CSTPP1: variants seen among roughly 807,000 people sequenced by gnomAD.
CSTPP1 encodes centriolar satellite-associated tubulin polyglutamylase complex regulator 1.
chr11:47,003,488 T>G, the CSTPP1 span, among the ~76,000 whole-genome samples: 1 of 152,238 alleles, frequency 6.6e-6, no homozygotes, highest in Non-Finnish European at 1.5e-5. Flanking sequence ...GATGTTTGTC[T>G]GTCTCTCAGC....
At chr11:46,945,734 A>G in the CSTPP1 span, among the ~76,000 whole-genome samples, 2 of 152,048 alleles carry the variant, frequency 1.3e-5, no homozygotes, top group African/African-American at 4.8e-5. Flanking sequence ...TACCTTCTCT[A>G]TATAAAGCCA....
the CSTPP1 span, chr11:47,157,189 G>A: frequency 1.2e-6 from 2 of 1,601,560 alleles, no homozygotes; most frequent in Admixed American, 1.7e-5. Flanking sequence ...ACCAGTGTCT[G>A]GAAAACCTGT....
At chr11:46,959,264 A>C in the CSTPP1 span, among the ~76,000 whole-genome samples, 1 of 144,002 alleles carries the variant, frequency 6.9e-6, no homozygotes, top group Non-Finnish European at 1.5e-5. Context: ...CTTTTTTTCT[A>C]GTTTTTAAAT....
chr11:46,991,287 G>C, the CSTPP1 span, among the ~76,000 whole-genome samples: 6 of 151,614 alleles, frequency 4.0e-5, no homozygotes, highest in African/African-American at 1.5e-4. Flanking sequence ...TTCTGTTAGG[G>C]GAATACTTGA....
the CSTPP1 span, among the ~76,000 whole-genome samples, chr11:47,151,727 G>A: frequency 2.0e-5 from 3 of 151,260 alleles, no homozygotes; most frequent in East Asian, 3.9e-4. Context: ...ACTTCTTGCA[G>A]TTGAAAAAAA....
the CSTPP1 span, among the ~76,000 whole-genome samples, chr11:47,017,997 C>CT: frequency 6.6e-6 from 1 of 152,112 alleles, no homozygotes; most frequent in South Asian, 2.1e-4. Context: ...TTGAGATTAG[C>CT]TTTTTTCACT....
At chr11:47,148,003 C>T in the CSTPP1 span, among the ~76,000 whole-genome samples, 1 of 152,102 alleles carries the variant, frequency 6.6e-6, no homozygotes, top group Non-Finnish European at 1.5e-5. Context: ...CCTGGAGGTG[C>T]GGGCTGGAGC....
chr11:47,149,148 C>T, the CSTPP1 span, among the ~76,000 whole-genome samples: 4 of 152,250 alleles, frequency 2.6e-5, no homozygotes, highest in East Asian at 7.7e-4. Flanking sequence ...CCACCCCACA[C>T]ATGGTTCTGC....
chr11:46,976,781 CTG>C, the CSTPP1 span, among the ~76,000 whole-genome samples: 4 of 152,126 alleles, frequency 2.6e-5, no homozygotes, highest in African/African-American at 9.7e-5. Flanking sequence ...ATACCAAAAT[CTG>C]TGCATACTCA....
the CSTPP1 span, among the ~76,000 whole-genome samples, chr11:47,012,705 C>G: frequency 1.3e-5 from 2 of 151,908 alleles, no homozygotes; most frequent in Middle Eastern, 3.4e-3. Flanking sequence ...CGATGGGAGC[C>G]CTTTCTTTAA....
the CSTPP1 span, among the ~76,000 whole-genome samples, chr11:46,980,016 A>G: frequency 6.6e-6 from 1 of 152,204 alleles, no homozygotes; most frequent in African/African-American, 2.4e-5. Context: ...CTGAGGCAGT[A>G]GGATTTAAGC....
the CSTPP1 span, among the ~76,000 whole-genome samples, chr11:47,050,574 T>C: frequency 1.3e-5 from 2 of 152,204 alleles, no homozygotes; most frequent in Non-Finnish European, 2.9e-5. Context: ...ATACCAAAGC[T>C]ATAATTTCAC....
At chr11:47,102,558 T>C in the CSTPP1 span, among the ~76,000 whole-genome samples, 4 of 152,130 alleles carry the variant, frequency 2.6e-5, no homozygotes, top group Non-Finnish European at 4.4e-5. Flanking sequence ...ATGTTCATGA[T>C]ATCAAAATTT....
the CSTPP1 span, chr11:47,162,290 G>C: frequency 5.1e-6 from 5 of 982,708 alleles, no homozygotes; most frequent in Non-Finnish European, 6.0e-6. Flanking sequence ...GAAGGGAGAG[G>C]GGGAGTTTGG....
the CSTPP1 span, chr11:47,041,915 A>G: frequency 2.4e-5 from 7 of 288,762 alleles, no homozygotes; most frequent in East Asian, 1.3e-4. Flanking sequence ...GCATTTCTCA[A>G]TGATGTTGCT....
chr11:47,068,238 A>G, the CSTPP1 span, among the ~76,000 whole-genome samples: 1 of 152,192 alleles, frequency 6.6e-6, no homozygotes, highest in Non-Finnish European at 1.5e-5. Context: ...TGAAAACTGC[A>G]TGTGTAATTT....
the CSTPP1 span, among the ~76,000 whole-genome samples, chr11:46,993,500 G>A: frequency 2.6e-3 from 395 of 151,012 alleles, 14 homozygotes; most frequent in East Asian, 0.067. Flanking sequence ...CATATGGCTA[G>A]CCAGTTTTCC....
At chr11:47,113,351 T>C in the CSTPP1 span, among the ~76,000 whole-genome samples, 1 of 152,228 alleles carries the variant, frequency 6.6e-6, no homozygotes, top group Non-Finnish European at 1.5e-5. Context: ...TTTGAGTATA[T>C]ACCTAGTAAT....
chr11:46,945,308 A>C, the CSTPP1 span, among the ~76,000 whole-genome samples: 1 of 152,144 alleles, frequency 6.6e-6, no homozygotes, highest in African/African-American at 2.4e-5. Context: ...TAATACATAA[A>C]ACTGGTCACT....
Sources: gnomAD v4.1 joint callset for allele counts (sites outside exome capture counted in the v4.1 genomes callset) on GRCh38, gnomAD v4.1.1 for gene constraint, MANE v1.5 for transcripts, NCBI Gene and HGNC (gene_info 2026-07-23, HGNC 2026-07-21) for gene names.